JAKMIP3: variants seen among roughly 807,000 people sequenced by gnomAD.
JAKMIP3 encodes the protein Janus kinase and microtubule interacting protein 3, also known as janus kinase and microtubule-interacting protein 3.
Under a neutral mutation model 118.5 loss-of-function variants are expected in JAKMIP3, and 58 were observed. The observed-to-expected ratio is 0.49, with a 90% CI of 0.40 to 0.61. The LOEUF (loss-of-function observed/expected upper bound fraction) is 0.61, where lower values mean the gene tolerates loss of function less well. JAKMIP3 is among the 20% of genes least tolerant of loss of function. The pLI, the probability that JAKMIP3 is intolerant of heterozygous loss-of-function variation, is 0.00. For synonymous variants in JAKMIP3, 486 were observed against 451.2 expected (o/e 1.08, Z -0.98); for missense variants, 950 against 1,109.0 (o/e 0.86, Z 2.04).
chr10:132,150,030 A>G lies in JAKMIP3; in HGVS notation c.1996A>G (p.Asn666Asp), dbSNP rs377482724. The G allele has an allele frequency of 3.1e-6, 5 of 1,595,784 alleles. No homozygotes were observed. The highest frequency in any genetic ancestry group is 4.3e-6 in the Non-Finnish European group (5 of 1,173,808). Residue 666 changes from asparagine (N) to aspartate (D), a missense_variant, in exon 16 of 24, where the codon AAC (asparagine) becomes GAC (aspartate). Coordinates refer to ENST00000684848, the MANE Select transcript of JAKMIP3 (RefSeq NM_001323087.2). ...LMKKLDILGD[N>D]AVSNLTNEEQ... is the part of the protein sequence containing the mutation. ...GAAGAAGCTGGACATCCTGGGCGAT[A>G]ACGCCGTAAGTGTATGTCGCTCTCC...
At chr10:132,071,236 G>A (rs1047490805) in intron 1 of JAKMIP3, among the ~76,000 whole-genome samples, 9 of 149,370 alleles carry the variant, frequency 6.0e-5, no homozygotes, top group Non-Finnish European at 1.2e-4. Context: ...TTTCTATTAC[G>A]TATTTCTCGT....
At chr10:132,172,343 G>T (rs59240872) in intron 23 of JAKMIP3, among the ~76,000 whole-genome samples, 14,576 of 152,084 alleles carry the variant, frequency 0.096, 893 homozygotes, top group East Asian at 0.18. Context: ...GCCTAAGGGG[G>T]TGTCTGCCAG....
At chr10:132,137,233 C>A in intron 7 of JAKMIP3, 21 bp from the exon 8 acceptor site, 2 of 1,613,932 alleles carry the variant, frequency 1.2e-6, no homozygotes, top group Non-Finnish European at 1.7e-6. Flanking sequence ...AATTCCGTAA[C>A]ATGCTGTCTT....
intron 1 of JAKMIP3, among the ~76,000 whole-genome samples, chr10:132,097,905 C>T (rs991175064): frequency 4.5e-5 from 3 of 66,444 alleles, no homozygotes; most frequent in African/African-American, 5.1e-5. Context: ...CCTTCCCCTT[C>T]CCCTTCCCCT....
intron 1 of JAKMIP3, among the ~76,000 whole-genome samples, chr10:132,041,856 TTTTC>T (rs1004604245): frequency 1.1e-3 from 166 of 152,042 alleles, no homozygotes; most frequent in African/African-American, 3.6e-3. Flanking sequence ...TTTCTTTCTT[TTTTC>T]TTTCTTTTCT....
In JAKMIP3 at chr10:132,147,846, G is replaced by A. The variant is rs2054941631; in HGVS notation, c.1750-106G>A. ...CCAGGGCTGGGTACCAGGCCAGCCG[G>A]CCTCCCCGGCAGCCAGCAGCTGTCC... On this transcript the variant is annotated intron_variant, in intron 13 of 23. Coordinates refer to ENST00000684848, the MANE Select transcript of JAKMIP3 (RefSeq NM_001323087.2). The A allele has an allele frequency of 3.9e-6, 3 of 773,570 alleles. No individual in the cohort carries two copies. The Admixed American group carries it at 8.0e-5, about 21-fold the overall frequency. The allele number at this position is 773,570 out of a possible 1,614,324, so 47.9% of individuals were successfully genotyped here. A position where few individuals can be genotyped will look rare whatever the true frequency, so the allele number is the denominator to read the frequency against.
chr10:132,142,722 AG>A (rs2053787873), intron 11 of JAKMIP3, among the ~76,000 whole-genome samples: 1 of 152,046 alleles, frequency 6.6e-6, no homozygotes, highest in Non-Finnish European at 1.5e-5. Context: ...TGAGGCTCGG[AG>A]GGGAAGCCGC....
At chr10:132,099,192 G>A (rs1424865352) in intron 1 of JAKMIP3, among the ~76,000 whole-genome samples, 1 of 152,084 alleles carries the variant, frequency 6.6e-6, no homozygotes, top group South Asian at 2.1e-4. Flanking sequence ...AGCCCGACAG[G>A]GACAGAGTGG....
In JAKMIP3 at chr10:132,141,835, G is replaced by A. The variant is rs1296237241; in HGVS notation, c.1474-85G>A. 8.2e-6 allele frequency: 12 copies of A among 1,468,156 alleles called. No homozygotes were observed. The East Asian group carries it at 3.0e-4, about 36-fold the overall frequency. The allele number at this position is 1,468,156 out of a possible 1,614,324, so 90.9% of individuals were successfully genotyped here. ...ACACCATTTGATATCTGGGGAGAAG[G>A]GAAGCCCCGGGGCCCCGCCATCGGA... On this transcript the variant is annotated intron_variant, in intron 10 of 23. Coordinates refer to ENST00000684848, the MANE Select transcript of JAKMIP3 (RefSeq NM_001323087.2).
chr10:132,044,796 CTG>C lies in JAKMIP3; in HGVS notation c.-138+8060_-138+8061del, dbSNP rs2037860130. Among the ~76,000 whole-genome samples, 1 of 152,126 alleles carries C rather than the reference CTG, an allele frequency of 6.6e-6. No individual in the cohort carries two copies. Among genetic ancestry groups the C allele is most frequent in the Non-Finnish European group, 1.5e-5 (1 of 68,022 alleles). ...ACGATTTCATCTTCCCAAACGGAAA[CTG>C]TACCCCCCACCCAGCCCCTGACACC... On this transcript the variant is annotated intron_variant, in intron 1 of 23. Transcript: ENST00000657785. The surrounding 1 kb of genome is among the most constrained non-coding windows in gnomAD (Gnocchi z 5.3).
chr10:132,167,894 C>CTCGCCG, intron 22 of JAKMIP3, 59 bp from the exon 23 acceptor site: 2 of 1,253,668 alleles, frequency 1.6e-6, no homozygotes, highest in Non-Finnish European at 2.1e-6. Flanking sequence ...GGCCCTCGCC[C>CTCGCCG]CTCACTCCAG....
chr10:132,137,269 G>A lies in JAKMIP3; in HGVS notation c.1264G>A (p.Gly422Ser), dbSNP rs943352446. 1.8e-5 allele frequency: 29 copies of A among 1,613,742 alleles called. No homozygotes were observed. The highest frequency in any genetic ancestry group is 4.4e-5 in the South Asian group (4 of 91,080). ...CCTTTCCTAGACCCTTGAGACCGCC[G>A]GCTACGTGAAGAGCGTGTTAGTAAG... ...DELSKTLETA[G>S]YVKSVLERDK... The change falls in exon 8 of 24, where the codon GGC becomes AGC. Residue 422 changes from glycine (G) to serine (S), a missense_variant. Physicochemically the swap from Gly to Ser is moderately conservative, Grantham distance 56. Coordinates refer to ENST00000684848, the MANE Select transcript of JAKMIP3 (RefSeq NM_001323087.2).
chr10:132,121,322 C>T (rs2048500480), intron 3 of JAKMIP3, among the ~76,000 whole-genome samples: 1 of 152,132 alleles, frequency 6.6e-6, no homozygotes, highest in Admixed American at 6.5e-5. Context: ...GCTAGGTGGG[C>T]GACGGAGGCC....
upstream of JAKMIP3, among the ~76,000 whole-genome samples, chr10:132,065,347 C>G (rs997077060): frequency 1.3e-5 from 2 of 152,076 alleles, no homozygotes; most frequent in Non-Finnish European, 2.9e-5. This position sits in a 1 kb window ranked among gnomAD's most constrained non-coding sequence, Gnocchi z 5.6. Context: ...GTGTCTGGTT[C>G]CCGTCTGCAT....
At chr10:132,176,296 T>C (rs1172001794) in intron 23 of JAKMIP3, among the ~76,000 whole-genome samples, 3 of 152,222 alleles carry the variant, frequency 2.0e-5, no homozygotes, top group Admixed American at 6.5e-5. Context: ...TGCATTTGCA[T>C]GGCAGAACCA....
intron 1 of JAKMIP3, among the ~76,000 whole-genome samples, chr10:132,084,827 A>G (rs1389188768): frequency 6.6e-6 from 1 of 152,178 alleles, no homozygotes; most frequent in Non-Finnish European, 1.5e-5. Flanking sequence ...ATCTATTAAG[A>G]TGATCATGTG....
At position 132,180,648 on chromosome 10, in the gene JAKMIP3, TGTGC is replaced by T. The variant is rs1396437783; in HGVS notation, c.*1104-1705_*1104-1702del. On this transcript the variant is annotated intron_variant, in intron 23 of 23. Coordinates refer to ENST00000684848, the MANE Select transcript of JAKMIP3 (RefSeq NM_001323087.2). ...GTGCGTGTGTGCGTGCGTGTGTGCG[TGTGC>T]GTGTGCGTGTGTGCGTGTGTGTGCG... Among the ~76,000 whole-genome samples the T allele has an allele frequency of 3.2e-4, 8 of 25,128 alleles. 1 individual carries two copies. Among genetic ancestry groups the T allele is most frequent in the Admixed American group, 1.0e-3 (2 of 1,930 alleles). 16.5% of individuals were successfully genotyped at this position (25,128 alleles called of 152,430 possible). A position where few individuals can be genotyped will look rare whatever the true frequency, so the allele number is the denominator to read the frequency against.
In JAKMIP3 at chr10:132,107,271, A is replaced by G. The variant is rs191030338; in HGVS notation, c.135+2328A>G. Among the ~76,000 whole-genome samples the G allele has an allele frequency of 2.6e-4, 40 of 152,250 alleles. 1 individual carries two copies. In the East Asian group the frequency reaches 7.5e-3, roughly 29 times the overall value. ...TCCCCAGTTCTCTGTCCACCTAATT[A>G]CAACAGCATCATGTGATTTTTTGTG... On this transcript the variant is annotated intron_variant, in intron 2 of 23. Transcript: ENST00000684848.
At chr10:132,109,800 A>C (rs1471290499) in intron 2 of JAKMIP3, among the ~76,000 whole-genome samples, 1 of 152,184 alleles carries the variant, frequency 6.6e-6, no homozygotes, top group Non-Finnish European at 1.5e-5. Flanking sequence ...GGGCTCTTGC[A>C]GCTCCGCAGC....
Sources: gnomAD v4.1 joint callset for allele counts (sites outside exome capture counted in the v4.1 genomes callset) on GRCh38, gnomAD v4.1.1 for gene constraint, Gnocchi (gnomAD v3.1) non-coding constraint, MANE v1.5 for transcripts, NCBI Gene and HGNC (gene_info 2026-07-23, HGNC 2026-07-21) for gene names.